Variants in ATP6V1E1 observed in about 807,000 individuals in gnomAD.
ATP6V1E1 encodes the protein ATPase H+ transporting V1 subunit E1.
In ATP6V1E1, 21 loss-of-function variants were observed where a neutral mutation model predicts 35.2. That is an observed-to-expected ratio of 0.60 (90% CI 0.42 to 0.86). The LOEUF (loss-of-function observed/expected upper bound fraction) is 0.86, where lower values mean the gene tolerates loss of function less well. Ranked by LOEUF, ATP6V1E1 falls within the 40% of genes least tolerant of loss-of-function variation. The pLI is 0.00. For synonymous variants in ATP6V1E1, 83 were observed against 87.8 expected (o/e 0.95, Z 0.30); for missense variants, 183 against 272.6 (o/e 0.67, Z 2.32).
At chr22:17,606,137 C>A (rs4239846) in intron 4 of ATP6V1E1, among the ~76,000 whole-genome samples, 52,819 of 151,914 alleles carry the variant, frequency 0.35, 9,515 homozygotes, top group African/African-American at 0.41. Context: ...TCAACACAGA[C>A]AAATATCTAT....
intron 2 of ATP6V1E1, among the ~76,000 whole-genome samples, chr22:17,615,516 C>G (rs1601389632): frequency 6.6e-6 from 1 of 150,922 alleles, no homozygotes; most frequent in African/African-American, 2.4e-5. Context: ...CCTGGGTAGG[C>G]GCCTGTAATC....
chr22:17,628,716 A>ACCC lies in ATP6V1E1; in HGVS notation c.-84_-82dup, dbSNP rs2057941125. On this transcript the variant is annotated 5_prime_UTR_variant, in exon 1 of 9. Transcript: ENST00000253413. ...GAGGTGAGAGAAATCGGCAAAGGGA[A>ACCC]CCCCTGCGCAGATCTCGGGTTCCTT... 6.3e-7 allele frequency: 1 copy of ACCC among 1,582,660 alleles called. No homozygotes were observed. Among genetic ancestry groups the ACCC allele is most frequent in the East Asian group, 2.2e-5 (1 of 44,716 alleles).
intron 4 of ATP6V1E1, among the ~76,000 whole-genome samples, chr22:17,610,092 C>T (rs1441761276): frequency 6.6e-6 from 1 of 151,522 alleles, no homozygotes; most frequent in Non-Finnish European, 1.5e-5. Context: ...CATTGCATTC[C>T]AGCCTGGGCA....
intron 7 of ATP6V1E1, chr22:17,594,845 C>T (rs958825732): frequency 1.9e-5 from 6 of 320,448 alleles, no homozygotes; most frequent in Non-Finnish European, 3.4e-5. Context: ...GTAGTATTTG[C>T]ATACAACCAT....
chr22:17,616,539 C>T (rs888806968), intron 2 of ATP6V1E1, among the ~76,000 whole-genome samples: 2 of 151,890 alleles, frequency 1.3e-5, no homozygotes, highest in Non-Finnish European at 2.9e-5. Flanking sequence ...ATTAGCTGGG[C>T]GTGATGGCAT....
At chr22:17,609,192 A>C (rs567354063) in intron 4 of ATP6V1E1, among the ~76,000 whole-genome samples, 1 of 151,614 alleles carries the variant, frequency 6.6e-6, no homozygotes, top group South Asian at 2.1e-4. Flanking sequence ...GCGGAGTCTC[A>C]CTCTGTCGCC....
chr22:17,615,565 C>A (rs868690956), intron 2 of ATP6V1E1, among the ~76,000 whole-genome samples: 1 of 151,358 alleles, frequency 6.6e-6, no homozygotes, highest in Non-Finnish European at 1.5e-5. Context: ...ATCGCTTGAA[C>A]CCAGGAGGCA....
chr22:17,618,678 T>A (rs1165254559), intron 2 of ATP6V1E1, among the ~76,000 whole-genome samples: 1 of 100,942 alleles, frequency 9.9e-6, no homozygotes, highest in East Asian at 3.1e-4. Context: ...CGAGACTCCA[T>A]CTCAAAAAAA....
intron 4 of ATP6V1E1, chr22:17,612,561 T>G: frequency 5.2e-6 from 2 of 386,114 alleles, no homozygotes. Flanking sequence ...CCCTGTACCC[T>G]CATGTACTAC....
At chr22:17,627,091 G>A (rs41277568) in intron 1 of ATP6V1E1, among the ~76,000 whole-genome samples, 10,663 of 152,194 alleles carry the variant, frequency 0.07, 558 homozygotes, top group African/African-American at 0.14. Context: ...CCGGGTTCAA[G>A]CGATTCTCCT....
At chr22:17,628,771 C>A, upstream of ATP6V1E1, 18 of 1,171,792 alleles carry the variant, frequency 1.5e-5, 1 homozygote, top group South Asian at 2.0e-4. Context: ...CCGGTTCCTG[C>A]CAGGTGACTG....
chr22:17,626,307 C>CAAAAA (rs928655426), intron 1 of ATP6V1E1, among the ~76,000 whole-genome samples: 20 of 61,780 alleles, frequency 3.2e-4, no homozygotes, highest in East Asian at 1.1e-3. Context: ...GACTTCGTCT[C>CAAAAA]AAAAAAAAAA....
intron 2 of ATP6V1E1, chr22:17,619,014 C>A (rs776722186): frequency 4.4e-6 from 2 of 453,680 alleles, no homozygotes; most frequent in South Asian, 1.6e-5. Flanking sequence ...AAAGAAGGGG[C>A]CAGGCACTGT....
chr22:17,605,693 C>CTTTTTTTT (rs3044548), intron 4 of ATP6V1E1, among the ~76,000 whole-genome samples: 32 of 103,998 alleles, frequency 3.1e-4, no homozygotes, highest in African/African-American at 9.9e-4. Context: ...AGATGTTTCT[C>CTTTTTTTT]TTTTTTTTTT....
chr22:17,610,825 G>A (rs1384849856), intron 4 of ATP6V1E1, among the ~76,000 whole-genome samples: 9 of 152,152 alleles, frequency 5.9e-5, no homozygotes, highest in Non-Finnish European at 1.0e-4. Flanking sequence ...TAGAAGGAAG[G>A]GTTATCACTG....
At chr22:17,624,664 C>CA (rs2057894722) in intron 1 of ATP6V1E1, among the ~76,000 whole-genome samples, 1 of 151,876 alleles carries the variant, frequency 6.6e-6, no homozygotes, top group Non-Finnish European at 1.5e-5. Context: ...ACTAAAAATA[C>CA]AAAAAAATTA....
intron 4 of ATP6V1E1, among the ~76,000 whole-genome samples, chr22:17,606,141 T>C (rs1296750416): frequency 3.3e-5 from 5 of 152,046 alleles, no homozygotes; most frequent in South Asian, 2.1e-4. Context: ...CACAGACAAA[T>C]ATCTATAAAG....
At chr22:17,614,170 G>C (rs1003074247) in intron 2 of ATP6V1E1, among the ~76,000 whole-genome samples, 1 of 152,004 alleles carries the variant, frequency 6.6e-6, no homozygotes, top group Non-Finnish European at 1.5e-5. Context: ...GATCAACATA[G>C]AGAAACCTCG....
At position 17,598,280 on chromosome 22, in the gene ATP6V1E1, C is replaced by G. The variant is rs200844005; in HGVS notation, c.444G>C (p.Val148=). The change falls in exon 7 of 9, where the codon GTG becomes GTC. Residue 148 remains valine (V), a synonymous_variant. Coordinates refer to ENST00000253413, the MANE Select transcript of ATP6V1E1 (RefSeq NM_001696.4). The part of the protein sequence containing the change: ...KQDFPLVKAA[V]QKAIPMYKIA... The stretch of plus-strand genomic sequence containing the variant: ...TTTTGTACATAGGAATTGCCTTCTG[C>G]ACTGCAGCCTGGAAGTATAGAACAC... The G allele has an allele frequency of 2.1e-4, 332 of 1,613,146 alleles. No individual in the cohort carries two copies. Among genetic ancestry groups the G allele is most frequent in the Non-Finnish European group, 1.7e-4 (204 of 1,179,148 alleles).
Sources: allele counts gnomAD v4.1 joint callset (sites outside exome capture counted in the v4.1 genomes callset), GRCh38; gene constraint gnomAD v4.1.1; transcripts MANE v1.5; gene names NCBI Gene and HGNC (gene_info 2026-07-23, HGNC 2026-07-21).